DNM3: variants seen among roughly 807,000 people sequenced by gnomAD.
The protein encoded by DNM3 is dynamin-3.
A neutral mutation model predicts 101.6 loss-of-function variants in DNM3; 47 were observed. The ratio of observed to expected loss-of-function variants is 0.46; its 90% CI spans 0.37 to 0.59. The LOEUF (loss-of-function observed/expected upper bound fraction) is 0.59, where lower values mean the gene tolerates loss of function less well. Among genes scored for constraint, DNM3 ranks in the 20% least tolerant of loss-of-function variants. The pLI is 0.00. For missense variants in DNM3, 849 were observed against 1,085.7 expected, an observed-to-expected ratio of 0.78 and a Z score of 3.06; for synonymous variants, 385 against 387.9, an observed-to-expected ratio of 0.99 and a Z score of 0.09.
At chr1:171,910,865 G>A (rs917725584) in intron 1 of DNM3, among the ~76,000 whole-genome samples, 1 of 152,150 alleles carries the variant, frequency 6.6e-6, no homozygotes, top group Non-Finnish European at 1.5e-5. Flanking sequence ...AAAAACAGGA[G>A]GGGCATCTAA....
At chr1:172,293,377 T>C (rs1416138000) in intron 15 of DNM3, among the ~76,000 whole-genome samples, 4 of 152,236 alleles carry the variant, frequency 2.6e-5, no homozygotes, top group Non-Finnish European at 5.9e-5. Context: ...AAAAGCCTTT[T>C]ACCTAAGGCA....
intron 4 of DNM3, among the ~76,000 whole-genome samples, chr1:172,007,528 A>T (rs1483935655): frequency 2.0e-5 from 3 of 152,044 alleles, no homozygotes; most frequent in African/African-American, 7.2e-5. Flanking sequence ...AATATTTCTG[A>T]TACAAATCTT....
At chr1:172,060,046 C>A (rs2051036622) in intron 10 of DNM3, among the ~76,000 whole-genome samples, 1 of 152,054 alleles carries the variant, frequency 6.6e-6, no homozygotes, top group Non-Finnish European at 1.5e-5. Flanking sequence ...TTCTTATATA[C>A]CAACAATCGA....
chr1:171,917,578 G>A (rs1005636782), intron 1 of DNM3, among the ~76,000 whole-genome samples: 16 of 152,120 alleles, frequency 1.1e-4, no homozygotes, highest in African/African-American at 3.9e-4. Flanking sequence ...AAAGGCATTT[G>A]ATTTGTAGCT....
At chr1:172,013,069 TAA>T (rs1212665109) in intron 4 of DNM3, among the ~76,000 whole-genome samples, 2 of 152,078 alleles carry the variant, frequency 1.3e-5, no homozygotes, top group Non-Finnish European at 1.5e-5. Flanking sequence ...TCTAATTTCC[TAA>T]GTCTGTTTTT....
chr1:172,289,755 T>C, intron 15 of DNM3: 3 of 985,192 alleles, frequency 3.0e-6, no homozygotes, highest in Non-Finnish European at 3.6e-6. Context: ...TGTGTAAGGT[T>C]GTTTAGTAAA....
Position 171,989,085 on chromosome 1 carries a change from C to A in DNM3, c.526C>A (p.Pro176Thr). The A allele has an allele frequency of 6.2e-7, 1 of 1,613,114 alleles. No homozygotes were observed. The highest frequency in any genetic ancestry group is 8.5e-7 in the Non-Finnish European group (1 of 1,179,466). ...RENCLILAVT[P>T]ANTDLANSDA... ...GAACTGTCTGATTTTAGCTGTTACT[C>A]CAGCCAACACTGATCTTGCAAACTC... The change falls in exon 4 of 21, where the codon CCA (proline) becomes ACA (threonine). Residue 176 changes from proline (P) to threonine (T), a missense_variant. Transcript: ENST00000627582.
At chr1:172,263,702 A>G (rs2062753272) in intron 15 of DNM3, among the ~76,000 whole-genome samples, 1 of 152,158 alleles carries the variant, frequency 6.6e-6, no homozygotes, top group Non-Finnish European at 1.5e-5. Context: ...ATCAGCCTCC[A>G]TGATTAAATT....
In DNM3 at chr1:172,073,786, A is replaced by C. The variant is rs112800528; in HGVS notation, c.1422+4881A>C. 5.7e-3 allele frequency among the ~76,000 whole-genome samples: 872 copies of C among 152,304 alleles called. 5 individuals carry two copies. Among genetic ancestry groups the C allele is most frequent in the African/African-American group, 0.02 (836 of 41,556 alleles). ...AAGCACCGTATTTCTCCCTTTTAGC[A>C]AATCTCAGCATCCTGGAAAGAGACA... On this transcript the variant is annotated intron_variant, in intron 11 of 20. Coordinates refer to ENST00000627582, the MANE Select transcript of DNM3 (RefSeq NM_015569.5).
At chr1:172,244,431 G>A (rs1415421193) in intron 14 of DNM3, among the ~76,000 whole-genome samples, 2 of 151,696 alleles carry the variant, frequency 1.3e-5, no homozygotes, top group African/African-American at 2.4e-5. Flanking sequence ...TACAAAATGG[G>A]AGAAAATTTT....
intron 1 of DNM3, among the ~76,000 whole-genome samples, chr1:171,883,412 CA>C (rs1558209917): frequency 0.035 from 3,770 of 108,052 alleles, 123 homozygotes; most frequent in Admixed American, 0.056. Flanking sequence ...CACACACACA[CA>C]CCCTGTCAGA....
chr1:172,379,024 AATG>A lies in DNM3; in HGVS notation c.1905_1907del (p.Asp635del), dbSNP rs781026668. The A allele has an allele frequency of 6.2e-7, 1 of 1,609,390 alleles. No homozygotes were observed. Among genetic ancestry groups the A allele is most frequent in the Non-Finnish European group, 8.5e-7 (1 of 1,178,048 alleles). On this transcript the variant is annotated inframe_deletion, in exon 18 of 21. Coordinates refer to ENST00000627582, the MANE Select transcript of DNM3 (RefSeq NM_015569.5). Reference sequence around the variant, plus strand: ...TTGTTTTCTCTTCTTTTAGGCTGAAAATGATGAGAATGGACAAGCAGAAAACTT... The same window carrying A: ...TTGTTTTCTCTTCTTTTAGGCTGAAAATGAGAATGGACAAGCAGAAAACTT...
At chr1:172,302,154 G>A (rs566304941) in intron 15 of DNM3, among the ~76,000 whole-genome samples, 2 of 152,320 alleles carry the variant, frequency 1.3e-5, no homozygotes, top group South Asian at 4.1e-4. Flanking sequence ...GGAAAAATGG[G>A]ACATTCCCGA....
intron 2 of DNM3, among the ~76,000 whole-genome samples, chr1:171,967,568 G>A (rs565318728): frequency 3.9e-4 from 59 of 152,234 alleles, no homozygotes; most frequent in African/African-American, 1.3e-3. Flanking sequence ...TCACAAAGAA[G>A]TGCAGTTGTT....
rs548660303 is a variant in DNM3, at chr1:171,926,888, G to A, written c.235+5067G>A. Among the ~76,000 whole-genome samples, 52 of 152,240 alleles carry A rather than the reference G, an allele frequency of 3.4e-4. No individual in the cohort carries two copies. The South Asian group carries it at 0.01, about 30-fold the overall frequency. ...AAAACTCTTAGTAAATAAAGGGGAA[G>A]GAACTTCCTCAACCTGGTAAAGGGC... On this transcript the variant is annotated intron_variant, in intron 2 of 20. Transcript: ENST00000627582.
chr1:172,108,067 GTCAAGGTACCT>G lies in DNM3; in HGVS notation c.1545+15193_1545+15203del, dbSNP rs149368065. ...ACTCTGCTGTATCTTAAGTCTCGGT[GTCAAGGTACCT>G]AAATGCCAGGGCATATCAGGACATT... On this transcript the variant is annotated intron_variant, in intron 13 of 20. Transcript: ENST00000627582. Among the ~76,000 whole-genome samples the G allele has an allele frequency of 5.3e-3, 799 of 152,140 alleles. 3 individuals carry two copies. Among genetic ancestry groups the G allele is most frequent in the Middle Eastern group, 0.024 (7 of 294 alleles).
At chr1:171,914,256 C>T (rs1196195957) in intron 1 of DNM3, among the ~76,000 whole-genome samples, 1 of 152,136 alleles carries the variant, frequency 6.6e-6, no homozygotes, top group Non-Finnish European at 1.5e-5. Flanking sequence ...CTCCTGGGTT[C>T]AAGGGATTCT....
chr1:172,085,262 C>T (rs1198302574), intron 12 of DNM3, among the ~76,000 whole-genome samples: 2 of 151,628 alleles, frequency 1.3e-5, no homozygotes, highest in African/African-American at 4.8e-5. Flanking sequence ...AAAAAAAAAC[C>T]CTAAATTACA....
intron 2 of DNM3, among the ~76,000 whole-genome samples, chr1:171,950,861 G>T (rs539495870): frequency 3.2e-4 from 49 of 152,106 alleles, no homozygotes; most frequent in Non-Finnish European, 3.7e-4. Context: ...ATAAAGCTAT[G>T]AAAATATGTG....
Sources: gnomAD v4.1 joint callset for allele counts (sites outside exome capture counted in the v4.1 genomes callset) on GRCh38, gnomAD v4.1.1 for gene constraint, MANE v1.5 for transcripts, NCBI Gene and HGNC (gene_info 2026-07-23, HGNC 2026-07-21) for gene names.